Variants in NUFIP2 observed in about 807,000 individuals in gnomAD.
NUFIP2 encodes the protein nuclear FMR1 interacting protein 2, also known as FMR1-interacting protein NUFIP2.
In NUFIP2, 6 loss-of-function variants were observed where a neutral mutation model predicts 56.9. That is an observed-to-expected ratio of 0.11 (90% CI 0.06 to 0.21). The LOEUF (loss-of-function observed/expected upper bound fraction) is 0.21, where lower values mean the gene tolerates loss of function less well. Ranked by LOEUF, NUFIP2 falls within the 10% of genes least tolerant of loss-of-function variation. The pLI, the probability that NUFIP2 is intolerant of heterozygous loss-of-function variation, is 1.00. For missense variants in NUFIP2, 828 were observed against 826.8 expected, an observed-to-expected ratio of 1.00 and a Z score of -0.02; for synonymous variants, 321 against 298.2, an observed-to-expected ratio of 1.08 and a Z score of -0.79.
intron 1 of NUFIP2, among the ~76,000 whole-genome samples, chr17:29,289,752 G>A (rs939920190): frequency 6.6e-6 from 1 of 151,930 alleles, no homozygotes; most frequent in African/African-American, 2.4e-5. Context: ...ATTCACAACA[G>A]GACTTACTCA....
Position 29,294,146 on chromosome 17 carries a change from T to C in NUFIP2, c.-87A>G. 2 of 1,459,446 alleles carry C rather than the reference T, an allele frequency of 1.4e-6. No individual in the cohort carries two copies. Among genetic ancestry groups the C allele is most frequent in the African/African-American group, 1.4e-5 (1 of 70,992 alleles). The allele number at this position is 1,459,446 out of a possible 1,614,324, so 90.4% of individuals were successfully genotyped here. ...TGCTTCTCAGGGCTCACTCAGTATA[T>C]CTGAGCGCGTCTCGCCAGCGCACTG... On this transcript the variant is annotated 5_prime_UTR_variant, in exon 1 of 4. Coordinates refer to ENST00000225388, the MANE Select transcript of NUFIP2 (RefSeq NM_020772.3).
At chr17:29,281,483 C>T (rs924715572) in intron 2 of NUFIP2, among the ~76,000 whole-genome samples, 10 of 145,274 alleles carry the variant, frequency 6.9e-5, no homozygotes, top group South Asian at 2.4e-4. Flanking sequence ...CACAGCAACA[C>T]CCTGTCTCAA....
rs1213190778 is a variant in NUFIP2 at position 29,261,695 on chromosome 17, G to A, written c.*2844C>T. 6.6e-6 allele frequency: 1 copy of A among 152,502 alleles called. No individual in the cohort carries two copies. Among genetic ancestry groups the A allele is most frequent in the Non-Finnish European group, 1.5e-5 (1 of 67,988 alleles). The allele number at this position is 152,502 out of a possible 1,614,324, so 9.4% of individuals were successfully genotyped here. A position where few individuals can be genotyped will look rare whatever the true frequency, so the allele number is the denominator to read the frequency against. ...GTGTGAGGACCTAAGGAGAAAGATTGCAACAAATAGAGTTAAGTGTTACCA... is the reference window on the plus strand; with the variant it reads ...GTGTGAGGACCTAAGGAGAAAGATTACAACAAATAGAGTTAAGTGTTACCA... On this transcript the variant is annotated 3_prime_UTR_variant, in exon 4 of 4. Coordinates refer to ENST00000225388, the MANE Select transcript of NUFIP2 (RefSeq NM_020772.3).
rs1449080108 is a variant in NUFIP2, at chr17:29,258,969, A to G, written c.*5570T>C. ...ATCCTCCTCTATGAAGGATAAATGA[A>G]AACAGATTAATAATAGACAAACAGG... On this transcript the variant is annotated 3_prime_UTR_variant, in exon 4 of 4. Coordinates refer to ENST00000225388, the MANE Select transcript of NUFIP2 (RefSeq NM_020772.3). The G allele has an allele frequency of 6.6e-6, 1 of 152,154 alleles. No individual in the cohort carries two copies. 9.4% of individuals were successfully genotyped at this position (152,154 alleles called of 1,614,324 possible).
In NUFIP2 at chr17:29,258,189, C is replaced by A. The variant is rs902698383; in HGVS notation, c.*6350G>T. The A allele has an allele frequency of 2.0e-5, 3 of 152,062 alleles. No homozygotes were observed. The highest frequency in any genetic ancestry group is 4.4e-5 in the Non-Finnish European group (3 of 68,020). 9.4% of individuals were successfully genotyped at this position (152,062 alleles called of 1,614,324 possible). ...CGATATTGGCAACATCAAAATATAACCAGATAGCTTTGGCCCACACATCTT... is the reference window on the plus strand; with the variant it reads ...CGATATTGGCAACATCAAAATATAAACAGATAGCTTTGGCCCACACATCTT... On this transcript the variant is annotated 3_prime_UTR_variant, in exon 4 of 4. Transcript: ENST00000225388.
At chr17:29,268,050 C>T (rs1347389351) in intron 2 of NUFIP2, among the ~76,000 whole-genome samples, 1 of 152,116 alleles carries the variant, frequency 6.6e-6, no homozygotes, top group Non-Finnish European at 1.5e-5. Context: ...AGGTGCCCGC[C>T]ACCACGCCCA....
At chr17:29,285,573 G>C (rs1265622894) in intron 2 of NUFIP2, among the ~76,000 whole-genome samples, 2 of 152,022 alleles carry the variant, frequency 1.3e-5, no homozygotes, top group South Asian at 2.1e-4. Context: ...CCTGGCAAGA[G>C]AGTGAGACTC....
chr17:29,260,084 A>G lies in NUFIP2; in HGVS notation c.*4455T>C, dbSNP rs965497406. 6.6e-6 allele frequency: 1 copy of G among 152,236 alleles called. No individual in the cohort carries two copies. The highest frequency in any genetic ancestry group is 2.4e-5 in the African/African-American group (1 of 41,460). The allele number at this position is 152,236 out of a possible 1,614,324, so 9.4% of individuals were successfully genotyped here. ...AGTAAAAATAACATCGATATTAAGA[A>G]CTAATGTTAAGCTATGTGCCTCTGG... On this transcript the variant is annotated 3_prime_UTR_variant, in exon 4 of 4. Transcript: ENST00000225388.
intron 1 of NUFIP2, among the ~76,000 whole-genome samples, chr17:29,290,326 G>C (rs1018845507): frequency 6.6e-6 from 1 of 152,056 alleles, no homozygotes; most frequent in Non-Finnish European, 1.5e-5. Flanking sequence ...CAGCAAGAAA[G>C]AGATTATTGC....
intron 2 of NUFIP2, among the ~76,000 whole-genome samples, chr17:29,279,846 G>C (rs906536244): frequency 6.6e-6 from 1 of 152,038 alleles, no homozygotes; most frequent in African/African-American, 2.4e-5. Flanking sequence ...GTGAAGTCTT[G>C]CTGTGTCTCC....
At chr17:29,278,608 ATAG>A in intron 2 of NUFIP2, among the ~76,000 whole-genome samples, 1 of 20,546 alleles carries the variant, frequency 4.9e-5, no homozygotes, top group South Asian at 2.1e-3. Flanking sequence ...TATGATAGTA[ATAG>A]CTTGGAATGA....
At position 29,286,704 on chromosome 17, in the gene NUFIP2, T is replaced by C; in HGVS notation, c.1290A>G (p.Pro430=). The C allele has an allele frequency of 1.2e-6, 2 of 1,614,128 alleles. No individual in the cohort carries two copies. The highest frequency in any genetic ancestry group is 1.7e-6 in the Non-Finnish European group (2 of 1,180,020). ...CAGTAGTTAGCAGTGGCTGACCCCC[T>C]GGAGGATAAACATTTCCATCAGTCC... ...LAGTDGNVYP[P]GGQPLLTTAA... is the part of the protein sequence containing the mutation. The change falls in exon 2 of 4, where the codon CCA becomes CCG. Residue 430 remains proline, a synonymous_variant. Coordinates refer to ENST00000225388, the MANE Select transcript of NUFIP2 (RefSeq NM_020772.3).
Position 29,263,206 on chromosome 17 carries a change from C to T in NUFIP2, c.*1333G>A, listed in dbSNP as rs990140700. ...TGGACCCTTAATTTCTGCACACACA[C>T]ACAAAAATTTATTTTAGCATGCTAT... On this transcript the variant is annotated 3_prime_UTR_variant, in exon 4 of 4. Coordinates refer to ENST00000225388, the MANE Select transcript of NUFIP2 (RefSeq NM_020772.3). The T allele has an allele frequency of 6.6e-6, 1 of 152,564 alleles. No individual in the cohort carries two copies. The highest frequency in any genetic ancestry group is 2.4e-5 in the African/African-American group (1 of 41,428). 9.5% of individuals were successfully genotyped at this position (152,564 alleles called of 1,614,324 possible). A position where few individuals can be genotyped will look rare whatever the true frequency, so the allele number is the denominator to read the frequency against.
chr17:29,286,836 A>C lies in NUFIP2; in HGVS notation c.1158T>G (p.Ser386=). Residue 386 remains serine (S), a synonymous_variant, in exon 2 of 4, where the codon TCT becomes TCG. Transcript: ENST00000225388. ...SPTSSSSSSS[S]TGETQTQSSS... Reference sequence around the variant, plus strand: ...ATGATTGGGTCTGAGTTTCCCCGGTAGATGATGAAGATGATGAAGATGAAG... The same window carrying C: ...ATGATTGGGTCTGAGTTTCCCCGGTCGATGATGAAGATGATGAAGATGAAG... The C allele has an allele frequency of 6.2e-7, 1 of 1,613,862 alleles. No individual in the cohort carries two copies. The highest frequency in any genetic ancestry group is 2.2e-5 in the East Asian group (1 of 44,876).
In NUFIP2 at chr17:29,263,132, T is replaced by C. The variant is rs2069013761; in HGVS notation, c.*1407A>G. 6.6e-6 allele frequency: 1 copy of C among 152,616 alleles called. No homozygotes were observed. Among genetic ancestry groups the C allele is most frequent in the Non-Finnish European group, 1.5e-5 (1 of 68,030 alleles). The allele number at this position is 152,616 out of a possible 1,614,324, so 9.5% of individuals were successfully genotyped here. On this transcript the variant is annotated 3_prime_UTR_variant, in exon 4 of 4. Coordinates refer to ENST00000225388, the MANE Select transcript of NUFIP2 (RefSeq NM_020772.3). ...TCTGTGTGTGTGATGTGATGCTGTG[T>C]CAGGCCAGACAACTTGTTATTATGT...
chr17:29,272,645 C>T (rs1192381025), intron 2 of NUFIP2, among the ~76,000 whole-genome samples: 2 of 152,172 alleles, frequency 1.3e-5, no homozygotes, highest in Non-Finnish European at 2.9e-5. Context: ...AATCATCATA[C>T]ACATACAAGT....
intron 2 of NUFIP2, among the ~76,000 whole-genome samples, chr17:29,278,489 G>A (rs1046555628): frequency 6.6e-6 from 1 of 151,952 alleles, no homozygotes; most frequent in Non-Finnish European, 1.5e-5. Flanking sequence ...CTCGTGATCT[G>A]CCCGCCTCGG....
chr17:29,268,653 G>A (rs535940604), intron 2 of NUFIP2, among the ~76,000 whole-genome samples: 7 of 152,256 alleles, frequency 4.6e-5, no homozygotes, highest in African/African-American at 1.7e-4. Flanking sequence ...GAGTAGCTGG[G>A]ATTACAGGCA....
At chr17:29,273,041 C>T (rs2069085618) in intron 2 of NUFIP2, among the ~76,000 whole-genome samples, 1 of 150,202 alleles carries the variant, frequency 6.7e-6, no homozygotes, top group African/African-American at 2.5e-5. Context: ...TATACACACA[C>T]ACACATATAT....
Sources: allele counts gnomAD v4.1 joint callset (sites outside exome capture counted in the v4.1 genomes callset), GRCh38; gene constraint gnomAD v4.1.1; transcripts MANE v1.5; gene names NCBI Gene and HGNC (gene_info 2026-07-23, HGNC 2026-07-21).